The following CCDC88C variants were observed in gnomAD, a reference collection of about 807,000 sequenced individuals.
CCDC88C encodes protein Daple.
In CCDC88C, 131 loss-of-function variants were observed where a neutral mutation model predicts 198.8. The ratio of observed to expected loss-of-function variants is 0.66; its 90% confidence interval spans 0.57 to 0.76. The LOEUF is 0.76. Ranked by LOEUF, CCDC88C falls within the 30% of genes least tolerant of loss-of-function variation. The probability of loss-of-function intolerance (pLI) is 0.00; values close to 1 mark genes in which losing one functional copy is unlikely to be tolerated. For missense variants in CCDC88C, 2,553 were observed against 2,631.6 expected, an observed-to-expected ratio of 0.97 and a Z score of 0.65; for synonymous variants, 1,166 against 1,114.7, an observed-to-expected ratio of 1.05 and a Z score of -0.92.
chr14:91,326,166 T>C, intron 10 of CCDC88C, 110 bp from the exon 11 acceptor site: 1 of 935,578 alleles, frequency 1.1e-6, no homozygotes, highest in Non-Finnish European at 1.6e-6. Flanking sequence ...GCAAACAATC[T>C]AGAGGGAAGT....
intron 3 of CCDC88C, among the ~76,000 whole-genome samples, chr14:91,385,953 C>G (rs1885106104): frequency 6.6e-6 from 1 of 152,092 alleles, no homozygotes. Flanking sequence ...AAACATTGGG[C>G]CAGGAGCAGA....
intron 3 of CCDC88C, among the ~76,000 whole-genome samples, chr14:91,387,090 G>A (rs1596144593): frequency 1.3e-5 from 2 of 152,122 alleles, no homozygotes; most frequent in African/African-American, 4.8e-5. Flanking sequence ...AGAGTGACTC[G>A]CCCAAAGTGG....
intron 25 of CCDC88C, among the ~76,000 whole-genome samples, chr14:91,286,770 A>G (rs1890425699): frequency 6.6e-6 from 1 of 152,192 alleles, no homozygotes; most frequent in South Asian, 2.1e-4. Context: ...CAGTCCATGC[A>G]GTTAAGTGCA....
rs557026632 is a variant in CCDC88C at position 91,338,253 on chromosome 14, C to T, written c.892-90G>A. 6.9e-5 allele frequency: 103 copies of T among 1,501,966 alleles called. No individual in the cohort carries two copies. In the Admixed American group the frequency reaches 8.7e-4, roughly 13 times the overall value. 93.0% of individuals were successfully genotyped at this position (1,501,966 alleles called of 1,614,324 possible). On this transcript the variant is annotated intron_variant, in intron 9 of 29. Transcript: ENST00000389857. The surrounding 1 kb of genome is among the most constrained non-coding windows in gnomAD (Gnocchi z 4.8). ...ATTGCCCTTCTGCATGGTGTCTCCA[C>T]GACGGCCCAGGACAAGCCAGCTCCT...
Position 91,408,620 on chromosome 14 carries a change from G to A in CCDC88C, c.270+39C>T, listed in dbSNP as rs376321285. The A allele has an allele frequency of 1.4e-5, 18 of 1,260,142 alleles. No individual in the cohort carries two copies. In the African/African-American group the frequency reaches 1.9e-4, roughly 13 times the overall value. 78.1% of individuals were successfully genotyped at this position (1,260,142 alleles called of 1,614,324 possible). ...AACCGTGACAGTGACGATACTGATG[G>A]ACACACATCAGAATTCCCGACAGCA... On this transcript the variant is annotated intron_variant, in intron 3 of 29. Transcript: ENST00000389857.
At position 91,289,180 on chromosome 14, in the gene CCDC88C, C is replaced by T. The variant is rs781760635; in HGVS notation, c.4366G>A (p.Glu1456Lys). 49 of 1,613,768 alleles carry T rather than the reference C, an allele frequency of 3.0e-5. 1 individual carries two copies. In the South Asian group the frequency reaches 3.7e-4, roughly 12 times the overall value. Residue 1456 changes from glutamate to lysine, a missense_variant, in exon 25 of 30, where the codon GAG (glutamate) becomes AAG (lysine). This residue lies in a region of CCDC88C where 1,293 missense variants were observed against 1,219.6 expected (regional missense o/e 1.06). Coordinates refer to ENST00000389857, the MANE Select transcript of CCDC88C (RefSeq NM_001080414.4). The part of the protein sequence containing the change: ...AASQPLRSQA[E>K]NPDTPALGSN... ...CCCAGTGCGGGGGTGTCGGGGTTCT[C>T]GGCCTGTGATCTGAGCGGCTGAGAG...
At chr14:91,390,874 T>A (rs1232776951) in intron 3 of CCDC88C, among the ~76,000 whole-genome samples, 2 of 152,158 alleles carry the variant, frequency 1.3e-5, no homozygotes, top group Non-Finnish European at 2.9e-5. Flanking sequence ...AGGAAGAACA[T>A]GGATTCGGTC....
chr14:91,338,673 C>T lies in CCDC88C; in HGVS notation c.810-103G>A. On this transcript the variant is annotated intron_variant, in intron 8 of 29. Coordinates refer to ENST00000389857, the MANE Select transcript of CCDC88C (RefSeq NM_001080414.4). This position sits in a 1 kb window ranked among gnomAD's most constrained non-coding sequence, Gnocchi z 4.8. ...TAAAACCTGTGGGAAAAGGAAAGGA[C>T]TCGGGATTTGGGCGGTGGGGAGGCG... 1.1e-6 allele frequency: 1 copy of T among 872,464 alleles called. No individual in the cohort carries two copies. The highest frequency in any genetic ancestry group is 2.7e-5 in the East Asian group (1 of 37,478). 54.0% of individuals were successfully genotyped at this position (872,464 alleles called of 1,614,324 possible). A position where few individuals can be genotyped will look rare whatever the true frequency, so the allele number is the denominator to read the frequency against.
chr14:91,357,998 G>A (rs780332537), intron 4 of CCDC88C, among the ~76,000 whole-genome samples: 12 of 152,312 alleles, frequency 7.9e-5, no homozygotes, highest in African/African-American at 2.2e-4. Context: ...CATGTAAGGC[G>A]GTGAGTGCCC....
intron 4 of CCDC88C, among the ~76,000 whole-genome samples, chr14:91,359,249 C>T (rs1555425089): frequency 2.9e-5 from 4 of 140,250 alleles, no homozygotes; most frequent in Non-Finnish European, 6.4e-5. Context: ...CTGCAAGCTC[C>T]GGGCCATTCT....
chr14:91,297,109 G>A (rs1274343374), intron 22 of CCDC88C, among the ~76,000 whole-genome samples, 196 bp downstream of exon 22: 2 of 152,178 alleles, frequency 1.3e-5, no homozygotes, highest in South Asian at 2.1e-4. Context: ...GGGTGTTTTC[G>A]TATACAGTCC....
rs146934842 is a variant in CCDC88C, at chr14:91,284,687, C to G, written c.4442-1170G>C. On this transcript the variant is annotated intron_variant, in intron 25 of 29. Coordinates refer to ENST00000389857, the MANE Select transcript of CCDC88C (RefSeq NM_001080414.4). The surrounding 1 kb of genome is among the most constrained non-coding windows in gnomAD (Gnocchi z 4.1). Reference sequence around the variant, plus strand: ...GAAGTCAGTGGCACATTAACCGACTCTCATATTTTAGTAATTATGTGTTTA... The same window carrying G: ...GAAGTCAGTGGCACATTAACCGACTGTCATATTTTAGTAATTATGTGTTTA... Among the ~76,000 whole-genome samples the G allele has an allele frequency of 6.6e-6, 1 of 152,170 alleles. No individual in the cohort carries two copies. The highest frequency in any genetic ancestry group is 2.4e-5 in the African/African-American group (1 of 41,424).
chr14:91,316,978 T>C (rs1483454023), intron 13 of CCDC88C, among the ~76,000 whole-genome samples: 3 of 152,188 alleles, frequency 2.0e-5, no homozygotes, highest in Non-Finnish European at 2.9e-5. Flanking sequence ...GCATTAGGTT[T>C]TCCTGGGAGT....
intron 23 of CCDC88C, among the ~76,000 whole-genome samples, chr14:91,293,676 C>T (rs577954485): frequency 6.6e-6 from 1 of 150,812 alleles, no homozygotes; most frequent in Non-Finnish European, 1.5e-5. Context: ...TTCCATGCTT[C>T]ATGTAACCCT....
At chr14:91,357,458 G>A (rs904169137) in intron 4 of CCDC88C, among the ~76,000 whole-genome samples, 43 of 152,324 alleles carry the variant, frequency 2.8e-4, no homozygotes, top group African/African-American at 1.0e-3. Context: ...TCGCCAGCAC[G>A]CTCGGTCTTT....
intron 3 of CCDC88C, among the ~76,000 whole-genome samples, chr14:91,386,494 G>A (rs1403447343): frequency 6.6e-6 from 1 of 152,052 alleles, no homozygotes; most frequent in Non-Finnish European, 1.5e-5. Flanking sequence ...AACAGTAGAG[G>A]AGACCAATGG....
chr14:91,368,444 T>G (rs1194448001), intron 3 of CCDC88C, among the ~76,000 whole-genome samples: 1 of 152,252 alleles, frequency 6.6e-6, no homozygotes, highest in Non-Finnish European at 1.5e-5. Context: ...TAATGCTGGC[T>G]TGAATATACC....
Position 91,294,196 on chromosome 14 carries a change from G to C in CCDC88C, c.4089C>G (p.Tyr1363Ter), listed in dbSNP as rs753635775. ...LEQNMENKEQYHEEQKQYIDK... is the reference protein window; with the variant it reads ...LEQNMENKEQ ...ACATGTACTGCTTCTGCTCCTCATG[G>C]TACTGCTCCTTGTTCTCCATGTTCT... Residue 1363 changes from tyrosine to a stop codon, truncating the protein, a stop_gained, in exon 23 of 30, where the codon TAC becomes TAG. Coordinates refer to ENST00000389857, the MANE Select transcript of CCDC88C (RefSeq NM_001080414.4). LOFTEE classifies it high-confidence loss of function. 6.2e-7 allele frequency: 1 copy of C among 1,614,016 alleles called. No individual in the cohort carries two copies.
Position 91,338,686 on chromosome 14 carries a change from C to T in CCDC88C, c.810-116G>A, listed in dbSNP as rs1893169209. ...AAAAGGAAAGGACTCGGGATTTGGG[C>T]GGTGGGGAGGCGATCTGCTTATGGG... is the stretch of plus-strand genomic sequence containing the variant. On this transcript the variant is annotated intron_variant, in intron 8 of 29. Transcript: ENST00000389857. The surrounding 1 kb of genome is among the most constrained non-coding windows in gnomAD (Gnocchi z 4.8). 1 of 760,476 alleles carries T rather than the reference C, an allele frequency of 1.3e-6. No individual in the cohort carries two copies. Among genetic ancestry groups the T allele is most frequent in the South Asian group, 1.6e-5 (1 of 64,298 alleles). The allele number at this position is 760,476 out of a possible 1,614,324, so 47.1% of individuals were successfully genotyped here. A position where few individuals can be genotyped will look rare whatever the true frequency, so the allele number is the denominator to read the frequency against.
Sources: allele counts gnomAD v4.1 joint callset (sites outside exome capture counted in the v4.1 genomes callset), GRCh38; gene constraint gnomAD v4.1.1; regional missense constraint gnomAD v4.1.1; non-coding constraint Gnocchi (gnomAD v3.1); transcripts MANE v1.5; gene names NCBI Gene and HGNC (gene_info 2026-07-23, HGNC 2026-07-21).